SUGP1: variants seen among roughly 807,000 people sequenced by gnomAD.
The protein encoded by SUGP1 is SURP and G-patch domain containing 1.
SUGP1 carries 34 observed loss-of-function variants against 76.5 expected under a neutral mutation model. The observed-to-expected ratio is 0.44, with a 90% CI of 0.34 to 0.59. SUGP1 has a LOEUF of 0.59. SUGP1 is among the 20% of genes least tolerant of loss of function. The pLI, the probability that SUGP1 is intolerant of heterozygous loss-of-function variation, is 0.01. For missense variants in SUGP1, 752 were observed against 851.7 expected (o/e 0.88, Z 1.46); for synonymous variants, 326 against 326.2 (o/e 1.00, Z 0.01).
At chr19:19,295,773 G>A (rs934372502) in intron 8 of SUGP1, among the ~76,000 whole-genome samples, 13 of 152,152 alleles carry the variant, frequency 8.5e-5, no homozygotes, top group Non-Finnish European at 1.6e-4. Context: ...AGGAGGCTGA[G>A]GTAGGAGGAT....
chr19:19,276,798 G>T (rs2146586201), intron 13 of SUGP1, 124 bp from the exon 14 acceptor site: 2 of 1,547,930 alleles, frequency 1.3e-6, no homozygotes, highest in Non-Finnish European at 1.8e-6. Flanking sequence ...AGGCTTGGGG[G>T]ACGGGTGGGG....
chr19:19,310,076 A>G (rs1354494226), intron 3 of SUGP1, 21 bp downstream of exon 3: 1 of 1,598,718 alleles, frequency 6.3e-7, no homozygotes, highest in Non-Finnish European at 8.6e-7. Context: ...CAGCACAAGG[A>G]AAGGGGAGGC....
intron 8 of SUGP1, among the ~76,000 whole-genome samples, chr19:19,288,082 G>A (rs1423322201): frequency 1.3e-5 from 2 of 151,894 alleles, no homozygotes; most frequent in African/African-American, 2.4e-5. Context: ...GCAGGGTCTC[G>A]GGAGGCAGAG....
chr19:19,320,420 C>T (rs763421159), intron 1 of SUGP1, 43 bp downstream of exon 1: 1 of 1,604,546 alleles, frequency 6.2e-7, no homozygotes, highest in Non-Finnish European at 8.5e-7. Flanking sequence ...CACCTAGCCC[C>T]AGGGACCCAG....
In SUGP1 at chr19:19,320,468, A is replaced by T; in HGVS notation, c.29T>A (p.Val10Asp). 6.2e-7 allele frequency: 1 copy of T among 1,610,456 alleles called. No homozygotes were observed. Among genetic ancestry groups the T allele is most frequent in the East Asian group, 2.2e-5 (1 of 44,698 alleles). ...GAGGAGGCGGGGGCTGTTACCTGCA[A>T]CATCCCGGTTGTCCATCTTGAGACT... is the stretch of plus-strand genomic sequence containing the variant. MSLKMDNRDVAGKANRWFGV... is the reference protein window; with the variant it reads MSLKMDNRDDAGKANRWFGV... The change falls in exon 1 of 14, where the codon GTT (valine) becomes GAT (aspartate). Residue 10 changes from valine to aspartate, a missense_variant. Physicochemically the swap from Val to Asp is radical, Grantham distance 152. Transcript: ENST00000247001.
At chr19:19,304,134 G>C in intron 4 of SUGP1, 1 of 985,500 alleles carries the variant, frequency 1.0e-6, no homozygotes, top group Non-Finnish European at 1.5e-6. Flanking sequence ...TTTGGTGGGG[G>C]AAATGCTTAA....
At chr19:19,277,932 C>A in intron 11 of SUGP1, 53 bp from the exon 12 acceptor site, 2 of 1,600,698 alleles carry the variant, frequency 1.2e-6, no homozygotes, top group Non-Finnish European at 1.7e-6. Flanking sequence ...TGTGGTGGCC[C>A]CCAAATCCAA....
intron 1 of SUGP1, among the ~76,000 whole-genome samples, chr19:19,319,018 GACCAGCCTGGCC>G (rs2061416041): frequency 6.6e-6 from 1 of 152,136 alleles, no homozygotes; most frequent in Non-Finnish European, 1.5e-5. Flanking sequence ...AGGAGATCGA[GACCAGCCTGGCC>G]AACATGGTGA....
chr19:19,305,996 G>T lies in SUGP1; in HGVS notation c.391C>A (p.Arg131=), dbSNP rs746524142. 2.5e-6 allele frequency: 4 copies of T among 1,611,580 alleles called. No homozygotes were observed. The highest frequency in any genetic ancestry group is 1.7e-4 in the Middle Eastern group (1 of 6,046). The change falls in exon 4 of 14, where the codon CGG becomes AGG. Residue 131 remains arginine (R), a synonymous_variant. Coordinates refer to ENST00000247001, the MANE Select transcript of SUGP1 (RefSeq NM_172231.4). ...AGKRSLLISR[R]TGLGLASLPG... Reference sequence around the variant, plus strand: ...AGGCTGGCCAGCCCCAGGCCTGTCCGCCTGCTGATGAGCAGGGACCTCTTC... The same window carrying T: ...AGGCTGGCCAGCCCCAGGCCTGTCCTCCTGCTGATGAGCAGGGACCTCTTC...
At chr19:19,309,903 C>G (rs2061341947) in intron 3 of SUGP1, among the ~76,000 whole-genome samples, 194 bp downstream of exon 3, 1 of 152,140 alleles carries the variant, frequency 6.6e-6, no homozygotes, top group Non-Finnish European at 1.5e-5. Context: ...CAGAGCGAGA[C>G]TCCGTCTCAA....
intron 3 of SUGP1, among the ~76,000 whole-genome samples, chr19:19,307,287 T>C (rs1236906321): frequency 6.6e-6 from 1 of 152,060 alleles, no homozygotes; most frequent in African/African-American, 2.4e-5. Context: ...ACTCTTAGAT[T>C]CAAGCGATCC....
intron 12 of SUGP1, 24 bp downstream of exon 12, chr19:19,277,710 G>A: frequency 6.2e-7 from 1 of 1,611,402 alleles, no homozygotes; most frequent in South Asian, 1.1e-5. Context: ...TCATGGCCAT[G>A]CCCTCCCACA....
chr19:19,304,695 G>A (rs540667275), intron 4 of SUGP1, among the ~76,000 whole-genome samples: 1 of 152,338 alleles, frequency 6.6e-6, no homozygotes, highest in African/African-American at 2.4e-5. Context: ...GTCCTTGTAG[G>A]AGATGCACAA....
chr19:19,305,173 G>A (rs1041776530), intron 4 of SUGP1, among the ~76,000 whole-genome samples: 1 of 152,200 alleles, frequency 6.6e-6, no homozygotes, highest in Non-Finnish European at 1.5e-5. Flanking sequence ...GGCTGTCATG[G>A]CACAACTCCA....
chr19:19,302,573 C>A lies in SUGP1; in HGVS notation c.764-185G>T, dbSNP rs987363721. ...ATTCATAACACACCTCAAGCCCCCA[C>A]CCCCGACCCCCGCCCCGTCCCACAA... On this transcript the variant is annotated intron_variant, in intron 6 of 13. Coordinates refer to ENST00000247001, the MANE Select transcript of SUGP1 (RefSeq NM_172231.4). 5.8e-5 allele frequency: 44 copies of A among 764,498 alleles called. No homozygotes were observed. The South Asian group carries it at 8.5e-4, about 15-fold the overall frequency. 47.4% of individuals were successfully genotyped at this position (764,498 alleles called of 1,614,324 possible). A position where few individuals can be genotyped will look rare whatever the true frequency, so the allele number is the denominator to read the frequency against.
Position 19,297,339 on chromosome 19 carries a change from A to T in SUGP1, c.893T>A (p.Leu298Gln). 1 of 1,513,216 alleles carries T rather than the reference A, an allele frequency of 6.6e-7. No individual in the cohort carries two copies. Among genetic ancestry groups the T allele is most frequent in the Non-Finnish European group, 8.9e-7 (1 of 1,128,324 alleles). The allele number at this position is 1,513,216 out of a possible 1,614,324, so 93.7% of individuals were successfully genotyped here. A position where few individuals can be genotyped will look rare whatever the true frequency, so the allele number is the denominator to read the frequency against. Residue 298 changes from leucine (L) to glutamine (Q), a missense_variant, in exon 8 of 14, where the codon CTG becomes CAG. This residue lies in a region of SUGP1 where 620 missense variants were observed against 617.3 expected (regional missense o/e 1.00). Coordinates refer to ENST00000247001, the MANE Select transcript of SUGP1 (RefSeq NM_172231.4). ...GTACCCTTGGCTATTGGGCTCATACAGAAAGCTGCAAAGGAGAGTTGGGGG... is the reference window on the plus strand; with the variant it reads ...GTACCCTTGGCTATTGGGCTCATACTGAAAGCTGCAAAGGAGAGTTGGGGG... The part of the protein sequence containing the change: ...NNRENQAFSF[L>Q]YEPNSQGYKY...
chr19:19,302,168 C>T, intron 7 of SUGP1, 97 bp downstream of exon 7: 1 of 1,531,114 alleles, frequency 6.5e-7, no homozygotes, highest in Non-Finnish European at 8.8e-7. Context: ...CACAGTGGGA[C>T]CCCAGCAGGT....
At chr19:19,305,703 G>A in intron 4 of SUGP1, 146 bp downstream of exon 4, 1 of 741,328 alleles carries the variant, frequency 1.3e-6, no homozygotes, top group Admixed American at 3.0e-5. Context: ...CACCTCAGAG[G>A]GCCTGAGGCT....
intron 8 of SUGP1, among the ~76,000 whole-genome samples, chr19:19,292,161 T>C (rs897737195): frequency 7.4e-5 from 11 of 148,322 alleles, no homozygotes; most frequent in African/African-American, 2.8e-4. Flanking sequence ...TAATCCCAGC[T>C]ACTCGGGAGG....
Sources: gnomAD v4.1 joint callset for allele counts (sites outside exome capture counted in the v4.1 genomes callset) on GRCh38, gnomAD v4.1.1 for gene constraint, gnomAD v4.1.1 regional missense constraint, MANE v1.5 for transcripts, NCBI Gene and HGNC (gene_info 2026-07-23, HGNC 2026-07-21) for gene names.